The following ADAMTS16 variants were observed in gnomAD, a reference collection of about 807,000 sequenced individuals.
ADAMTS16 encodes the protein A disintegrin and metalloproteinase with thrombospondin motifs 16.
In ADAMTS16, 94 loss-of-function variants were observed where a neutral mutation model predicts 145.8. The ratio of observed to expected loss-of-function variants is 0.64; its 90% CI spans 0.55 to 0.77. The LOEUF is 0.77. Among genes scored for constraint, ADAMTS16 ranks in the 30% least tolerant of loss-of-function variants. The pLI, the probability that ADAMTS16 is intolerant of heterozygous loss-of-function variation, is 0.00. For synonymous variants in ADAMTS16, 659 were observed against 604.3 expected (o/e 1.09, Z -1.33); for missense variants, 1,585 against 1,591.5 (o/e 1.00, Z 0.07).
intron 3 of ADAMTS16, among the ~76,000 whole-genome samples, chr5:5,168,363 T>TTAC (rs1449804732): frequency 6.8e-6 from 1 of 146,144 alleles, no homozygotes; most frequent in East Asian, 2.0e-4. Context: ...ATTATTATTA[T>TTAC]TATTATTATT....
intron 21 of ADAMTS16, 66 bp downstream of exon 21, chr5:5,306,794 T>C: frequency 1.4e-6 from 2 of 1,424,464 alleles, no homozygotes; most frequent in Non-Finnish European, 1.9e-6. Flanking sequence ...GGCCGCTGGC[T>C]CCCGGGGATG....
intron 3 of ADAMTS16, among the ~76,000 whole-genome samples, chr5:5,150,985 G>T (rs1426297072): frequency 6.6e-6 from 1 of 151,966 alleles, no homozygotes; most frequent in African/African-American, 2.4e-5. Context: ...ATTTCTCTGA[G>T]GCTCCATTCA....
intron 17 of ADAMTS16, among the ~76,000 whole-genome samples, chr5:5,250,727 G>GTGTGTGTGTGTGTT: frequency 6.6e-6 from 1 of 150,582 alleles, no homozygotes. Context: ...GTGTGTGTGT[G>GTGTGTGTGTGTGTT]TGTGTGTGTG....
chr5:5,200,076 T>A, intron 8 of ADAMTS16, 56 bp from the exon 9 acceptor site: 1 of 1,527,128 alleles, frequency 6.5e-7, no homozygotes, highest in Non-Finnish European at 8.8e-7. Flanking sequence ...GGGTATCAGA[T>A]AATTTAAACT....
intron 18 of ADAMTS16, among the ~76,000 whole-genome samples, chr5:5,287,812 C>T (rs1482191604): frequency 4.6e-5 from 7 of 152,108 alleles, no homozygotes; most frequent in Admixed American, 4.6e-4. Flanking sequence ...TACATAAAAC[C>T]TTTGTGGATG....
chr5:5,289,163 C>T (rs1739209383), intron 18 of ADAMTS16, among the ~76,000 whole-genome samples: 1 of 151,948 alleles, frequency 6.6e-6, no homozygotes, highest in African/African-American at 2.4e-5. Flanking sequence ...CTGTCCACAT[C>T]ATTGGTTTGC....
chr5:5,191,682 C>A lies in ADAMTS16; in HGVS notation c.1208-3C>A. ...GTGTTCTTTTGATCTTTGTCCTTCA[C>A]AGGATTTGCACCCATAAGTGGAATG... On this transcript the variant is annotated splice_polypyrimidine_tract_variant and splice_region_variant and intron_variant, in intron 7 of 22. Transcript: ENST00000274181. The A allele has an allele frequency of 6.2e-7, 1 of 1,610,438 alleles. No homozygotes were observed. Among genetic ancestry groups the A allele is most frequent in the South Asian group, 1.1e-5 (1 of 90,788 alleles).
intron 22 of ADAMTS16, 71 bp downstream of exon 22, chr5:5,318,352 T>A: frequency 7.6e-7 from 1 of 1,324,058 alleles, no homozygotes; most frequent in Non-Finnish European, 9.8e-7. Context: ...AGCAGTTCCT[T>A]GGGGGGCCTG....
At chr5:5,259,710 G>A (rs1253930181) in intron 17 of ADAMTS16, among the ~76,000 whole-genome samples, 2 of 152,234 alleles carry the variant, frequency 1.3e-5, no homozygotes, top group African/African-American at 4.8e-5. Flanking sequence ...ACAAGATAAG[G>A]TGAACATGCA....
intron 17 of ADAMTS16, among the ~76,000 whole-genome samples, chr5:5,249,626 C>G (rs1303875864): frequency 6.6e-6 from 1 of 151,444 alleles, no homozygotes; most frequent in Non-Finnish European, 1.5e-5. Context: ...ACAATACTCT[C>G]TCAGCTCTGC....
rs558704306 is a variant in ADAMTS16 at position 5,238,944 on chromosome 5, C to T, written c.2155-207C>T. Among the ~76,000 whole-genome samples the T allele has an allele frequency of 9.2e-5, 14 of 152,300 alleles. No homozygotes were observed. In the East Asian group the frequency reaches 1.4e-3, roughly 15 times the overall value. On this transcript the variant is annotated intron_variant, in intron 14 of 22. Transcript: ENST00000274181. ...ACTAAAGAGGACAGGTTACGGTTCA[C>T]GGTTTAAAAGCTTCCTACATTTTTG...
chr5:5,229,028 G>A (rs1458282648), intron 11 of ADAMTS16, among the ~76,000 whole-genome samples: 4 of 152,160 alleles, frequency 2.6e-5, no homozygotes, highest in African/African-American at 7.2e-5. Context: ...GCCGGGCGCG[G>A]TGGCTCACGC....
chr5:5,283,455 C>A (rs768953182), intron 18 of ADAMTS16, among the ~76,000 whole-genome samples: 3 of 152,110 alleles, frequency 2.0e-5, no homozygotes, highest in East Asian at 1.9e-4. Flanking sequence ...AAGGAAGAGA[C>A]CCATGCCCCT....
At chr5:5,149,009 C>T (rs1579271853) in intron 3 of ADAMTS16, among the ~76,000 whole-genome samples, 1 of 152,204 alleles carries the variant, frequency 6.6e-6, no homozygotes, top group East Asian at 1.9e-4. Context: ...ACGTGATGCC[C>T]ATAAGTGAAG....
chr5:5,164,675 TC>T (rs1734821255), intron 3 of ADAMTS16, among the ~76,000 whole-genome samples: 1 of 152,118 alleles, frequency 6.6e-6, no homozygotes, highest in Non-Finnish European at 1.5e-5. Flanking sequence ...GTTTTCTTTT[TC>T]CTTTTTTTCT....
chr5:5,279,491 G>C (rs1181260061), intron 18 of ADAMTS16, among the ~76,000 whole-genome samples: 2 of 151,970 alleles, frequency 1.3e-5, no homozygotes, highest in African/African-American at 4.8e-5. Context: ...TGCTTTAATG[G>C]CTTGGTATTT....
At chr5:5,215,870 G>GTGTGTGTATA (rs1260354840) in intron 10 of ADAMTS16, among the ~76,000 whole-genome samples, 27 of 101,606 alleles carry the variant, frequency 2.7e-4, no homozygotes, top group Non-Finnish European at 3.6e-4. Context: ...GTGTGTATGT[G>GTGTGTGTATA]TATATATATA....
chr5:5,306,162 A>G (rs1359953320), intron 20 of ADAMTS16, among the ~76,000 whole-genome samples: 1 of 152,190 alleles, frequency 6.6e-6, no homozygotes, highest in African/African-American at 2.4e-5. Context: ...CGTGGTAGTT[A>G]CCACATGTAC....
At chr5:5,146,526 T>A in intron 3 of ADAMTS16, 71 bp downstream of exon 3, 1 of 1,420,322 alleles carries the variant, frequency 7.0e-7, no homozygotes, top group Non-Finnish European at 9.5e-7. Context: ...TAACCAGGAC[T>A]TTCCCTCGAT....
Sources: gnomAD v4.1 joint callset for allele counts (sites outside exome capture counted in the v4.1 genomes callset) on GRCh38, gnomAD v4.1.1 for gene constraint, MANE v1.5 for transcripts, NCBI Gene and HGNC (gene_info 2026-07-23, HGNC 2026-07-21) for gene names.